SLC2A13: variants seen among roughly 807,000 people sequenced by gnomAD.
SLC2A13 encodes the protein proton myo-inositol cotransporter.
A neutral mutation model predicts 64.4 loss-of-function variants in SLC2A13; 32 were observed. That is an observed-to-expected ratio of 0.50 (90% CI 0.37 to 0.67). The LOEUF (loss-of-function observed/expected upper bound fraction) is 0.67. Ranked by LOEUF, SLC2A13 falls within the 30% of genes least tolerant of loss-of-function variation. SLC2A13 has a pLI of 0.00. For synonymous variants in SLC2A13, 338 were observed against 327.1 expected (o/e 1.03, Z -0.36); for missense variants, 743 against 829.2 (o/e 0.90, Z 1.28).
rs185894365 is a variant in SLC2A13 at position 40,013,351 on chromosome 12, T to C, written c.925+14950A>G. Reference sequence around the variant, plus strand: ...TGAATGAATACTTTTACAGAGCTTATAATGTGCCAGGCACTGTTCTCACAG... The same window carrying C: ...TGAATGAATACTTTTACAGAGCTTACAATGTGCCAGGCACTGTTCTCACAG... On this transcript the variant is annotated intron_variant, in intron 3 of 9. Transcript: ENST00000280871. 9.8e-4 allele frequency among the ~76,000 whole-genome samples: 149 copies of C among 152,342 alleles called. 1 individual carries two copies. Among genetic ancestry groups the C allele is most frequent in the South Asian group, 7.7e-3 (37 of 4,828 alleles).
chr12:39,939,668 A>G (rs1448323576), intron 4 of SLC2A13, among the ~76,000 whole-genome samples: 1 of 152,266 alleles, frequency 6.6e-6, no homozygotes, highest in Non-Finnish European at 1.5e-5. Flanking sequence ...GTCTTAACAT[A>G]TAAGAAGCTA....
chr12:39,895,402 A>G (rs1405786661), intron 4 of SLC2A13, among the ~76,000 whole-genome samples: 1 of 149,258 alleles, frequency 6.7e-6, no homozygotes, highest in Non-Finnish European at 1.5e-5. Flanking sequence ...AGGCAGGAGA[A>G]TGGCCTGAAC....
chr12:39,919,798 A>T (rs1945583667), intron 4 of SLC2A13, among the ~76,000 whole-genome samples: 2 of 152,126 alleles, frequency 1.3e-5, no homozygotes, highest in South Asian at 4.1e-4. Context: ...GATTTTATTT[A>T]TTTAAAGATA....
At chr12:40,052,455 GAAGTTAAGACCAAAA>G (rs1161406480) in intron 1 of SLC2A13, among the ~76,000 whole-genome samples, 4 of 152,132 alleles carry the variant, frequency 2.6e-5, no homozygotes, top group Non-Finnish European at 4.4e-5. Flanking sequence ...TATATTGGGA[GAAGTTAAGACCAAAA>G]AAGACAAAAA....
Position 39,868,980 on chromosome 12 carries a change from C to G in SLC2A13, c.1198+2818G>C, listed in dbSNP as rs571071341. ...TATAACATTTTTCACTATTTTTAGT[C>G]CAATATAATAAAATAAATCATAGTA... On this transcript the variant is annotated intron_variant, in intron 5 of 9. Coordinates refer to ENST00000280871, the MANE Select transcript of SLC2A13 (RefSeq NM_052885.4). 2.6e-5 allele frequency among the ~76,000 whole-genome samples: 4 copies of G among 152,036 alleles called. No individual in the cohort carries two copies. The South Asian group carries it at 8.3e-4, about 32-fold the overall frequency.
intron 4 of SLC2A13, among the ~76,000 whole-genome samples, chr12:39,934,926 G>A (rs969528730): frequency 1.2e-4 from 18 of 152,186 alleles, no homozygotes; most frequent in Admixed American, 2.6e-4. Flanking sequence ...TGCATGGAGC[G>A]GCTTAATAGC....
In SLC2A13 at chr12:39,789,651, A is replaced by G. The variant is rs201414797; in HGVS notation, c.1446-24793T>C. On this transcript the variant is annotated intron_variant, in intron 7 of 9. Transcript: ENST00000280871. ...AACTGTGTCGTAAGAAGTTGAAACC[A>G]TTAAGATTCTCACTAGCAGTAGAAG... Among the ~76,000 whole-genome samples the G allele has an allele frequency of 1.2e-4, 18 of 152,308 alleles. No individual in the cohort carries two copies. The East Asian group carries it at 2.3e-3, about 20-fold the overall frequency.
chr12:39,981,253 CA>C (rs1395906574), intron 3 of SLC2A13, among the ~76,000 whole-genome samples: 1 of 150,236 alleles, frequency 6.7e-6, no homozygotes. Flanking sequence ...CCTAACATCA[CA>C]ATGAAAAGAA....
At chr12:40,071,582 C>G (rs1435759910) in intron 1 of SLC2A13, among the ~76,000 whole-genome samples, 1 of 152,138 alleles carries the variant, frequency 6.6e-6, no homozygotes, top group Non-Finnish European at 1.5e-5. Context: ...ACAATTGGTA[C>G]AGTTTCTCTC....
In SLC2A13 at chr12:39,896,041, T is replaced by C. The variant is rs1207096018; in HGVS notation, c.1035-24080A>G. Reference sequence around the variant, plus strand: ...ATGTATACATACATGCATATGTTTATATACGCATGTATATATGCATACATA... The same window carrying C: ...ATGTATACATACATGCATATGTTTACATACGCATGTATATATGCATACATA... On this transcript the variant is annotated intron_variant, in intron 4 of 9. Coordinates refer to ENST00000280871, the MANE Select transcript of SLC2A13 (RefSeq NM_052885.4). Among the ~76,000 whole-genome samples the C allele has an allele frequency of 1.4e-5, 2 of 147,074 alleles. 1 individual carries two copies. Among genetic ancestry groups the C allele is most frequent in the Non-Finnish European group, 3.0e-5 (2 of 66,588 alleles).
At chr12:39,775,444 T>C (rs1156510969) in intron 7 of SLC2A13, among the ~76,000 whole-genome samples, 1 of 152,234 alleles carries the variant, frequency 6.6e-6, no homozygotes, top group Non-Finnish European at 1.5e-5. Context: ...TCTCTGGTCA[T>C]TGTGAAGTTA....
chr12:39,963,751 T>C (rs968316676), intron 3 of SLC2A13, among the ~76,000 whole-genome samples: 4 of 152,232 alleles, frequency 2.6e-5, no homozygotes, highest in Non-Finnish European at 5.9e-5. Flanking sequence ...TTTGTATAGA[T>C]ATTTAAGTTT....
intron 4 of SLC2A13, among the ~76,000 whole-genome samples, chr12:39,913,910 C>T (rs1012432684): frequency 2.6e-5 from 4 of 152,006 alleles, no homozygotes; most frequent in African/African-American, 9.7e-5. Flanking sequence ...AAATCTTACT[C>T]ATTCCTTTCA....
chr12:40,081,489 C>T (rs573874061), intron 1 of SLC2A13, among the ~76,000 whole-genome samples: 73 of 152,276 alleles, frequency 4.8e-4, no homozygotes, highest in South Asian at 6.2e-4. Flanking sequence ...TGCTTTAATA[C>T]TTCTGACTGT....
chr12:40,015,725 G>A (rs937759807), intron 3 of SLC2A13, among the ~76,000 whole-genome samples: 2 of 152,054 alleles, frequency 1.3e-5, no homozygotes, highest in South Asian at 2.1e-4. Flanking sequence ...GTATATCCAC[G>A]AAAGCAGACG....
chr12:39,929,693 T>C (rs1945790888), intron 4 of SLC2A13, among the ~76,000 whole-genome samples: 4 of 152,008 alleles, frequency 2.6e-5, no homozygotes, highest in Middle Eastern at 3.2e-3. Context: ...CAGGAGAAAG[T>C]TCTGTAAGAA....
intron 4 of SLC2A13, among the ~76,000 whole-genome samples, chr12:39,941,866 C>G (rs1416834592): frequency 6.6e-6 from 1 of 152,108 alleles, no homozygotes; most frequent in Non-Finnish European, 1.5e-5. Context: ...AGTCCTTAAT[C>G]CATTTTGAGT....
In SLC2A13 at chr12:40,013,101, T is replaced by C. The variant is rs113882784; in HGVS notation, c.925+15200A>G. On this transcript the variant is annotated intron_variant, in intron 3 of 9. Coordinates refer to ENST00000280871, the MANE Select transcript of SLC2A13 (RefSeq NM_052885.4). ...GTTTTTAGTTTCTATAGTCAAAAGATACATGCAGAGGATGGCTTCCAAAAC... is the reference window on the plus strand; with the variant it reads ...GTTTTTAGTTTCTATAGTCAAAAGACACATGCAGAGGATGGCTTCCAAAAC... Among the ~76,000 whole-genome samples the C allele has an allele frequency of 5.3e-5, 8 of 152,078 alleles. 1 individual carries two copies. The highest frequency in any genetic ancestry group is 1.9e-4 in the African/African-American group (8 of 41,492).
intron 7 of SLC2A13, among the ~76,000 whole-genome samples, chr12:39,777,662 C>A (rs1217910266): frequency 6.6e-6 from 1 of 152,042 alleles, no homozygotes; most frequent in East Asian, 1.9e-4. Flanking sequence ...GGCTGGATGT[C>A]GAGAGAAGCA....
Sources: gnomAD v4.1 joint callset for allele counts (sites outside exome capture counted in the v4.1 genomes callset) on GRCh38, gnomAD v4.1.1 for gene constraint, MANE v1.5 for transcripts, NCBI Gene and HGNC (gene_info 2026-07-23, HGNC 2026-07-21) for gene names.